The following MYO3A variants were observed in gnomAD, a reference collection of about 807,000 sequenced individuals.
MYO3A encodes the protein myosin IIIA.
A neutral mutation model predicts 192.7 loss-of-function variants in MYO3A; 180 were observed. The ratio of observed to expected loss-of-function variants is 0.93; its 90% CI spans 0.83 to 1.06. The LOEUF is 1.06. MYO3A is among the 50% of genes least tolerant of loss of function. The probability of loss-of-function intolerance (pLI) is 0.00; values close to 1 mark genes in which losing one functional copy is unlikely to be tolerated. For synonymous variants in MYO3A, 628 were observed against 645.3 expected (o/e 0.97, Z 0.41); for missense variants, 1,896 against 1,905.0 (o/e 1.00, Z 0.09).
intron 7 of MYO3A, 38 bp downstream of exon 7, chr10:26,016,934 G>GAT: frequency 6.3e-7 from 1 of 1,576,422 alleles, no homozygotes; most frequent in South Asian, 1.1e-5. Context: ...CGTAATAGCT[G>GAT]ATCCTGTTTG....
intron 18 of MYO3A, among the ~76,000 whole-genome samples, chr10:26,123,397 AT>A (rs1169246090): frequency 6.6e-6 from 1 of 152,232 alleles, no homozygotes; most frequent in Non-Finnish European, 1.5e-5. Context: ...AAATATTGCA[AT>A]TTTCAAACTA....
intron 14 of MYO3A, among the ~76,000 whole-genome samples, chr10:26,086,564 A>C (rs557668681): frequency 1.3e-5 from 2 of 152,166 alleles, no homozygotes; most frequent in East Asian, 3.9e-4. Flanking sequence ...CTAGTGGCTT[A>C]ATATAACCTC....
intron 26 of MYO3A, among the ~76,000 whole-genome samples, chr10:26,162,680 T>A (rs763714621): frequency 1.3e-5 from 2 of 152,234 alleles, no homozygotes; most frequent in Non-Finnish European, 2.9e-5. Context: ...ATCCTCTGGC[T>A]TTCTCACTTA....
intron 26 of MYO3A, among the ~76,000 whole-genome samples, chr10:26,161,478 A>G (rs986248755): frequency 2.6e-5 from 4 of 152,186 alleles, no homozygotes; most frequent in Non-Finnish European, 1.5e-5. Context: ...CAGAGCTCTA[A>G]TACAACTAGA....
At chr10:26,093,274 T>C (rs983867273) in intron 15 of MYO3A, among the ~76,000 whole-genome samples, 1 of 152,232 alleles carries the variant, frequency 6.6e-6, no homozygotes, top group African/African-American at 2.4e-5. Flanking sequence ...TGATACAATG[T>C]ACATGAGTGA....
chr10:26,125,649 G>T (rs770046938), intron 19 of MYO3A, 41 bp downstream of exon 19: 5 of 1,507,250 alleles, frequency 3.3e-6, no homozygotes, highest in Admixed American at 1.7e-5. Context: ...CAAATGTCAG[G>T]TGATGTAAGT....
At chr10:26,159,382 C>G (rs1187920575) in intron 26 of MYO3A, among the ~76,000 whole-genome samples, 1 of 135,186 alleles carries the variant, frequency 7.4e-6, no homozygotes, top group African/African-American at 2.8e-5. Flanking sequence ...TTTTTTTAGA[C>G]AGAGTCTCGC....
chr10:25,990,769 T>C lies in MYO3A; in HGVS notation c.304-5721T>C, dbSNP rs182048424. Among the ~76,000 whole-genome samples the C allele has an allele frequency of 6.5e-4, 99 of 151,656 alleles. 1 individual carries two copies. The highest frequency in any genetic ancestry group is 2.1e-3 in the African/African-American group (88 of 41,340). Reference sequence around the variant, plus strand: ...GAGTGAGAAGATGCGATGTTTGGTTTTTTGTCCTTGCCATAGTTTGCTGAG... The same window carrying C: ...GAGTGAGAAGATGCGATGTTTGGTTCTTTGTCCTTGCCATAGTTTGCTGAG... On this transcript the variant is annotated intron_variant, in intron 4 of 34. Transcript: ENST00000642920.
intron 17 of MYO3A, among the ~76,000 whole-genome samples, chr10:26,119,695 A>G (rs1356529788): frequency 6.6e-6 from 1 of 152,194 alleles, no homozygotes; most frequent in African/African-American, 2.4e-5. Context: ...CACCATGAAC[A>G]TAGTTGAAGA....
At chr10:26,052,970 A>C (rs1564498383) in intron 10 of MYO3A, among the ~76,000 whole-genome samples, 1 of 152,208 alleles carries the variant, frequency 6.6e-6, no homozygotes, top group Non-Finnish European at 1.5e-5. Context: ...GAGTAAATGA[A>C]AAATATAATA....
chr10:26,157,289 T>A, intron 25 of MYO3A, 21 bp from the exon 26 acceptor site: 1 of 1,610,540 alleles, frequency 6.2e-7, no homozygotes, highest in Non-Finnish European at 8.5e-7. Flanking sequence ...TTGGGAAATT[T>A]ATTTTTGTTG....
intron 15 of MYO3A, among the ~76,000 whole-genome samples, chr10:26,089,493 C>T (rs570292931): frequency 2.0e-5 from 3 of 151,270 alleles, no homozygotes; most frequent in African/African-American, 4.9e-5. Context: ...CCCAGCTACT[C>T]GGGAGGCTGA....
intron 17 of MYO3A, among the ~76,000 whole-genome samples, chr10:26,115,730 A>G (rs1838463173): frequency 6.6e-6 from 1 of 152,220 alleles, no homozygotes; most frequent in African/African-American, 2.4e-5. Flanking sequence ...CAAATGATGG[A>G]CAGGGCAGGC....
At chr10:26,101,599 C>CA (rs1343716113) in intron 17 of MYO3A, among the ~76,000 whole-genome samples, 1 of 152,176 alleles carries the variant, frequency 6.6e-6, no homozygotes, top group African/African-American at 2.4e-5. Context: ...CTGGTGGTGA[C>CA]AAAATCTCTC....
chr10:25,952,883 T>G (rs1041616581), intron 3 of MYO3A, among the ~76,000 whole-genome samples: 1 of 151,810 alleles, frequency 6.6e-6, no homozygotes, highest in African/African-American at 2.4e-5. Context: ...TTGCTTTTTT[T>G]TTTTTTTTTA....
At chr10:26,152,371 T>A (rs1419393186) in intron 23 of MYO3A, among the ~76,000 whole-genome samples, 1 of 152,258 alleles carries the variant, frequency 6.6e-6, no homozygotes, top group African/African-American at 2.4e-5. Context: ...ACATTAAGGC[T>A]TGAAAGTGTT....
At chr10:26,107,220 G>A (rs971696349) in intron 17 of MYO3A, among the ~76,000 whole-genome samples, 8 of 152,068 alleles carry the variant, frequency 5.3e-5, no homozygotes, top group African/African-American at 1.7e-4. Context: ...AGTGGCTCAC[G>A]CCTGTAATCC....
chr10:26,053,076 AAAAGTAACAAGAATGGAAAGAGTGGG>A (rs1844100394), intron 10 of MYO3A, among the ~76,000 whole-genome samples: 1 of 152,228 alleles, frequency 6.6e-6, no homozygotes, highest in African/African-American at 2.4e-5. Flanking sequence ...AAACATTGAA[AAAAGTAACAAGAATGGAAAGAGTGGG>A]AAAGTAACAA....
intron 32 of MYO3A, among the ~76,000 whole-genome samples, chr10:26,195,528 A>G (rs1843366528): frequency 6.6e-6 from 1 of 152,160 alleles, no homozygotes; most frequent in South Asian, 2.1e-4. Context: ...CTGTCCTAAG[A>G]TATGAAGGCC....
Sources: allele counts gnomAD v4.1 joint callset (sites outside exome capture counted in the v4.1 genomes callset), GRCh38; gene constraint gnomAD v4.1.1; transcripts MANE v1.5; gene names NCBI Gene and HGNC (gene_info 2026-07-23, HGNC 2026-07-21).